Variants in RAB31 observed in about 807,000 individuals in gnomAD.
RAB31 encodes the protein RAB31, member RAS oncogene family, also known as ras-related protein Rab-31.
In RAB31, 21 loss-of-function variants were observed where a neutral mutation model predicts 25.6. The observed-to-expected ratio is 0.82, with a 90% CI of 0.58 to 1.18. The LOEUF (loss-of-function observed/expected upper bound fraction) is 1.18, where lower values mean the gene tolerates loss of function less well. RAB31 is among the 50% of genes most tolerant of loss of function. The pLI is 0.00. For missense variants in RAB31, 196 were observed against 250.1 expected (o/e 0.78, Z 1.46); for synonymous variants, 87 against 84.0 (o/e 1.04, Z -0.20).
intron 5 of RAB31, among the ~76,000 whole-genome samples, chr18:9,826,452 C>T (rs1477444639): frequency 6.6e-6 from 1 of 152,016 alleles, no homozygotes; most frequent in Non-Finnish European, 1.5e-5. Flanking sequence ...AAAGTGACAC[C>T]ATTGGCCCTT....
At chr18:9,765,758 G>A (rs997580796) in intron 1 of RAB31, among the ~76,000 whole-genome samples, 1 of 152,166 alleles carries the variant, frequency 6.6e-6, no homozygotes, top group Non-Finnish European at 1.5e-5. Flanking sequence ...CTCAAGTGAG[G>A]AAGGAACTGG....
chr18:9,802,418 T>C (rs922465145), intron 3 of RAB31, among the ~76,000 whole-genome samples: 8 of 152,236 alleles, frequency 5.3e-5, no homozygotes, highest in Admixed American at 5.2e-4. Flanking sequence ...ATCATACCTT[T>C]AATCCCAGTA....
At position 9,831,633 on chromosome 18, in the gene RAB31, G is replaced by A. The variant is rs117408755; in HGVS notation, c.381-13949G>A. Among the ~76,000 whole-genome samples, 566 of 152,352 alleles carry A rather than the reference G, an allele frequency of 3.7e-3. 8 individuals carry two copies. The East Asian group carries it at 0.042, about 11-fold the overall frequency. On this transcript the variant is annotated intron_variant, in intron 5 of 6. Transcript: ENST00000578921. ...GAGGATCGTGTGTGGGCACGGCGCT[G>A]TGGCATGGCCCTGCTTTGACCCTCT...
chr18:9,798,573 T>C (rs933016639), intron 3 of RAB31, among the ~76,000 whole-genome samples: 1 of 152,182 alleles, frequency 6.6e-6, no homozygotes, highest in African/African-American at 2.4e-5. Flanking sequence ...TTTGGGTTTA[T>C]GATTTGACAA....
intron 3 of RAB31, among the ~76,000 whole-genome samples, chr18:9,793,045 G>A (rs1239929124): frequency 6.6e-6 from 1 of 152,216 alleles, no homozygotes; most frequent in Non-Finnish European, 1.5e-5. Context: ...CTAGCACAGT[G>A]TCTATTGCTG....
intron 1 of RAB31, among the ~76,000 whole-genome samples, chr18:9,762,338 G>T (rs2068293474): frequency 6.6e-6 from 1 of 152,188 alleles, no homozygotes; most frequent in Non-Finnish European, 1.5e-5. Flanking sequence ...AAAAATTGCA[G>T]AATGTAGCAA....
chr18:9,819,409 C>G (rs889238711), intron 5 of RAB31, among the ~76,000 whole-genome samples: 6 of 148,300 alleles, frequency 4.0e-5, no homozygotes, highest in Non-Finnish European at 7.5e-5. Context: ...GTGCTCTTAA[C>G]TTTATTAGTT....
intron 1 of RAB31, among the ~76,000 whole-genome samples, chr18:9,745,835 A>C (rs2068202673): frequency 6.6e-6 from 1 of 152,236 alleles, no homozygotes; most frequent in Non-Finnish European, 1.5e-5. Context: ...ATGGCAAAAG[A>C]CTTGAAAGCG....
intron 1 of RAB31, among the ~76,000 whole-genome samples, chr18:9,765,214 A>C (rs748435357): frequency 1.3e-5 from 2 of 152,206 alleles, no homozygotes; most frequent in African/African-American, 4.8e-5. Context: ...TGGTCTCCCA[A>C]AGTGCTGGGA....
intron 1 of RAB31, among the ~76,000 whole-genome samples, chr18:9,728,783 C>T (rs904173519): frequency 6.6e-6 from 1 of 152,160 alleles, no homozygotes; most frequent in Non-Finnish European, 1.5e-5. Context: ...CGTGATGCAC[C>T]CCTCCTTGGC....
At chr18:9,763,241 G>C (rs562596763) in intron 1 of RAB31, among the ~76,000 whole-genome samples, 1 of 151,934 alleles carries the variant, frequency 6.6e-6, no homozygotes, top group Non-Finnish European at 1.5e-5. Flanking sequence ...TTAAACTTAC[G>C]CTAAGGCCTA....
chr18:9,841,141 A>T (rs554613641), intron 5 of RAB31, among the ~76,000 whole-genome samples: 2 of 152,040 alleles, frequency 1.3e-5, no homozygotes, highest in Non-Finnish European at 2.9e-5. Flanking sequence ...TATGCTGCTG[A>T]TGCTGGTCAT....
chr18:9,798,785 AT>A (rs1555688748), intron 3 of RAB31, among the ~76,000 whole-genome samples: 1 of 39,658 alleles, frequency 2.5e-5, no homozygotes, highest in African/African-American at 4.8e-5. Context: ...TGCGCAGCTA[AT>A]TTAAAAAAAA....
intron 6 of RAB31, among the ~76,000 whole-genome samples, chr18:9,858,483 A>G (rs2068830454): frequency 6.6e-6 from 1 of 152,220 alleles, no homozygotes; most frequent in Non-Finnish European, 1.5e-5. Context: ...AGCACAGTCA[A>G]TTTTAGAAAA....
chr18:9,846,194 G>A (rs1448748623), intron 6 of RAB31, among the ~76,000 whole-genome samples: 1 of 152,186 alleles, frequency 6.6e-6, no homozygotes, highest in Non-Finnish European at 1.5e-5. Context: ...CATGTGTCTG[G>A]TGAGCTAATT....
At chr18:9,779,620 T>A (rs541394389) in intron 2 of RAB31, among the ~76,000 whole-genome samples, 1 of 152,330 alleles carries the variant, frequency 6.6e-6, no homozygotes, top group South Asian at 2.1e-4. Context: ...CCGTGCAATA[T>A]TTGGGACATG....
At chr18:9,849,334 T>A (rs2068777160) in intron 6 of RAB31, among the ~76,000 whole-genome samples, 1 of 152,190 alleles carries the variant, frequency 6.6e-6, no homozygotes, top group Non-Finnish European at 1.5e-5. Flanking sequence ...CTGAGACTAA[T>A]AAATGGAATG....
At chr18:9,803,161 AT>A (rs1413351366) in intron 3 of RAB31, among the ~76,000 whole-genome samples, 9 of 151,978 alleles carry the variant, frequency 5.9e-5, no homozygotes, top group Non-Finnish European at 1.0e-4. Flanking sequence ...ATGGGAGAGG[AT>A]AGAGTACATG....
intron 1 of RAB31, among the ~76,000 whole-genome samples, chr18:9,744,320 G>A (rs146329294): frequency 1.1e-3 from 168 of 152,284 alleles, no homozygotes; most frequent in Admixed American, 2.2e-3. Flanking sequence ...CTGTTAGCAT[G>A]GCTAAAATGA....
Sources: allele counts gnomAD v4.1 joint callset (sites outside exome capture counted in the v4.1 genomes callset), GRCh38; gene constraint gnomAD v4.1.1; transcripts MANE v1.5; gene names NCBI Gene and HGNC (gene_info 2026-07-23, HGNC 2026-07-21).